Variants in TNR observed in about 807,000 individuals in gnomAD.
TNR encodes the protein tenascin-R.
Under a neutral mutation model 150.4 loss-of-function variants are expected in TNR, and 45 were observed. The ratio of observed to expected loss-of-function variants is 0.30; its 90% CI spans 0.24 to 0.38. TNR has a LOEUF of 0.38. Ranked by LOEUF, TNR falls within the 10% of genes least tolerant of loss-of-function variation. The probability of loss-of-function intolerance (pLI) is 1.00; values close to 1 mark genes in which losing one functional copy is unlikely to be tolerated. For synonymous variants in TNR, 687 were observed against 678.4 expected (o/e 1.01, Z -0.20); for missense variants, 1,544 against 1,759.1 (o/e 0.88, Z 2.19).
intron 1 of TNR, among the ~76,000 whole-genome samples, chr1:175,618,508 T>C (rs1426706328): frequency 6.6e-6 from 1 of 152,194 alleles, no homozygotes; most frequent in Non-Finnish European, 1.5e-5. Flanking sequence ...TTTTGTTCCA[T>C]GCTATTAAAC....
chr1:175,732,742 A>G (rs1667676567), intron 1 of TNR, among the ~76,000 whole-genome samples: 1 of 152,164 alleles, frequency 6.6e-6, no homozygotes, highest in South Asian at 2.1e-4. Context: ...GCCATTTGTC[A>G]CGTGTCTTCA....
chr1:175,326,969 AT>A (rs61107325), intron 21 of TNR, among the ~76,000 whole-genome samples: 6,441 of 142,166 alleles, frequency 0.045, 295 homozygotes, highest in African/African-American at 0.12. Context: ...TTTTACTTCT[AT>A]TTTTTTTTTT....
intron 1 of TNR, among the ~76,000 whole-genome samples, chr1:175,714,222 C>G (rs77089758): frequency 6.6e-6 from 1 of 152,050 alleles, no homozygotes; most frequent in South Asian, 2.1e-4. Context: ...CTACCCATCA[C>G]GCCCCTCTTC....
At chr1:175,630,057 G>A (rs917489322) in intron 1 of TNR, among the ~76,000 whole-genome samples, 5 of 152,188 alleles carry the variant, frequency 3.3e-5, no homozygotes, top group Admixed American at 6.5e-5. Flanking sequence ...AGCACACAGA[G>A]CTCTCTGGGG....
intron 18 of TNR, among the ~76,000 whole-genome samples, chr1:175,351,044 T>C (rs1651028444): frequency 6.6e-6 from 1 of 152,208 alleles, no homozygotes; most frequent in Non-Finnish European, 1.5e-5. Flanking sequence ...AGCCTCTAAA[T>C]CCATTAGCCC....
intron 2 of TNR, among the ~76,000 whole-genome samples, chr1:175,519,983 T>C (rs1166590847): frequency 2.0e-5 from 3 of 152,228 alleles, no homozygotes; most frequent in Non-Finnish European, 2.9e-5. Flanking sequence ...CTAAGCTGTT[T>C]GAATTCATGC....
At chr1:175,602,055 G>T (rs1262250062) in intron 1 of TNR, among the ~76,000 whole-genome samples, 2 of 151,974 alleles carry the variant, frequency 1.3e-5, no homozygotes, top group Non-Finnish European at 2.9e-5. Flanking sequence ...GAAGAGGAAG[G>T]ATGTCAACCA....
chr1:175,448,633 C>T (rs1407316313), intron 2 of TNR, among the ~76,000 whole-genome samples: 1 of 152,206 alleles, frequency 6.6e-6, no homozygotes, highest in Non-Finnish European at 1.5e-5. Context: ...TATGCTGGCT[C>T]AGCTTTCGAG....
intron 1 of TNR, among the ~76,000 whole-genome samples, chr1:175,714,408 T>C (rs932818480): frequency 2.0e-5 from 3 of 152,182 alleles, no homozygotes; most frequent in Admixed American, 6.5e-5. Context: ...GACAGATTCA[T>C]GGTTTGGAGA....
At chr1:175,451,475 A>AG (rs59488874) in intron 2 of TNR, among the ~76,000 whole-genome samples, 152,183 of 152,242 alleles carry the variant, frequency 1, 76,062 homozygotes, top group Non-Finnish European at 1. Context: ...TCTAGAAGCC[A>AG]GCCGCCAGCC....
At chr1:175,400,389 T>A (rs981381581) in intron 4 of TNR, among the ~76,000 whole-genome samples, 1 of 152,250 alleles carries the variant, frequency 6.6e-6, no homozygotes, top group Admixed American at 6.5e-5. Flanking sequence ...TGACTGCTGC[T>A]TTTTAAATCT....
At chr1:175,450,318 C>G (rs565677052) in intron 2 of TNR, among the ~76,000 whole-genome samples, 1 of 152,302 alleles carries the variant, frequency 6.6e-6, no homozygotes, top group East Asian at 1.9e-4. Flanking sequence ...AGAACCTCAC[C>G]CCTCACCTCA....
rs997729105 is a variant in TNR, at chr1:175,396,370, C to G, written c.1240+174G>C. Among the ~76,000 whole-genome samples the G allele has an allele frequency of 9.2e-5, 14 of 152,312 alleles. No homozygotes were observed. The East Asian group carries it at 2.5e-3, about 27-fold the overall frequency. On this transcript the variant is annotated intron_variant, in intron 5 of 22. Transcript: ENST00000367674. ...TTGGAAACTCTCTTAATCGAAAGTG[C>G]CTTTTTAATGATGTACCCTTTCTAA...
At chr1:175,509,556 G>GT (rs1213808187) in intron 2 of TNR, among the ~76,000 whole-genome samples, 1 of 152,082 alleles carries the variant, frequency 6.6e-6, no homozygotes, top group African/African-American at 2.4e-5. Flanking sequence ...ACTTTCCAGA[G>GT]TTTTTTTCAT....
chr1:175,724,749 T>C (rs1164053967), intron 1 of TNR, among the ~76,000 whole-genome samples: 1 of 152,212 alleles, frequency 6.6e-6, no homozygotes, highest in African/African-American at 2.4e-5. Flanking sequence ...TATGAGAACA[T>C]GTAACCATGG....
intron 2 of TNR, among the ~76,000 whole-genome samples, chr1:175,473,458 G>A (rs1282548684): frequency 2.0e-5 from 3 of 152,186 alleles, no homozygotes; most frequent in Non-Finnish European, 4.4e-5. Flanking sequence ...AGGCTGAATT[G>A]TTGTTCCTAA....
chr1:175,587,663 G>A (rs1286412486), intron 1 of TNR, among the ~76,000 whole-genome samples: 1 of 151,860 alleles, frequency 6.6e-6, no homozygotes, highest in Non-Finnish European at 1.5e-5. Flanking sequence ...AGAATTACAT[G>A]GACTTTAAAA....
intron 1 of TNR, among the ~76,000 whole-genome samples, chr1:175,694,661 T>G (rs1388502573): frequency 1.3e-5 from 2 of 152,186 alleles, no homozygotes; most frequent in Non-Finnish European, 2.9e-5. Flanking sequence ...TGATCTTATT[T>G]GGAGATAGGG....
intron 1 of TNR, chr1:175,556,512 T>C (rs1302163792): frequency 6.6e-6 from 1 of 152,220 alleles, no homozygotes; most frequent in Non-Finnish European, 1.5e-5. Context: ...ACTCCTGGTG[T>C]AGCCTGTCCT....
Sources: allele counts gnomAD v4.1 joint callset (sites outside exome capture counted in the v4.1 genomes callset), GRCh38; gene constraint gnomAD v4.1.1; transcripts MANE v1.5; gene names NCBI Gene and HGNC (gene_info 2026-07-23, HGNC 2026-07-21).